Variants in LRRC31 observed in about 807,000 individuals in gnomAD.
LRRC31 encodes the protein leucine-rich repeat-containing protein 31.
LRRC31 carries 35 observed loss-of-function variants against 46.7 expected under a neutral mutation model. The observed-to-expected ratio is 0.75, with a 90% CI of 0.57 to 0.99. The LOEUF is 0.99. LRRC31 is among the 50% of genes least tolerant of loss of function. The pLI, the probability that LRRC31 is intolerant of heterozygous loss-of-function variation, is 0.00. For missense variants in LRRC31, 613 were observed against 626.1 expected (o/e 0.98, Z 0.22); for synonymous variants, 236 against 235.1 (o/e 1.00, Z -0.03).
rs1781443097 is a variant in LRRC31, at chr3:169,869,828, T to C, written c.-21A>G. Reference sequence around the variant, plus strand: ...CTCATGGTGAAGTTGATGGGGGTAGTTCCCAATAAGACATCTTCCTGTTGC... The same window carrying C: ...CTCATGGTGAAGTTGATGGGGGTAGCTCCCAATAAGACATCTTCCTGTTGC... On this transcript the variant is annotated 5_prime_UTR_variant, in exon 1 of 9. Transcript: ENST00000316428. 6.3e-7 allele frequency: 1 copy of C among 1,592,434 alleles called. No individual in the cohort carries two copies. The highest frequency in any genetic ancestry group is 8.5e-7 in the Non-Finnish European group (1 of 1,170,438).
chr3:169,844,627 A>C (rs1298766288), intron 8 of LRRC31, among the ~76,000 whole-genome samples: 4 of 152,188 alleles, frequency 2.6e-5, no homozygotes, highest in Admixed American at 2.0e-4. Flanking sequence ...AGATACACAG[A>C]GATAAAGAAA....
intron 3 of LRRC31, among the ~76,000 whole-genome samples, chr3:169,857,153 G>A (rs984089753): frequency 2.0e-5 from 3 of 151,516 alleles, no homozygotes; most frequent in African/African-American, 7.3e-5. Context: ...TATTGGTAGG[G>A]TGGTTTTAGG....
chr3:169,852,115 C>G (rs768048905), intron 6 of LRRC31, among the ~76,000 whole-genome samples: 4 of 151,924 alleles, frequency 2.6e-5, no homozygotes, highest in Non-Finnish European at 5.9e-5. Flanking sequence ...TTAGCCCTCT[C>G]GGCAGGGCAC....
intron 3 of LRRC31, 42 bp downstream of exon 3, chr3:169,860,519 C>A: frequency 6.2e-7 from 1 of 1,606,548 alleles, no homozygotes; most frequent in African/African-American, 1.3e-5. Context: ...TGAGCCACGG[C>A]GCCCGGCCGA....
chr3:169,868,643 A>G (rs1781402388), intron 1 of LRRC31, among the ~76,000 whole-genome samples: 1 of 152,230 alleles, frequency 6.6e-6, no homozygotes, highest in Non-Finnish European at 1.5e-5. Flanking sequence ...AGAATCTTAA[A>G]GAAATGATCG....
At position 169,860,570 on chromosome 3, in the gene LRRC31, G is replaced by T; in HGVS notation, c.478C>A (p.Gln160Lys). 1 of 1,614,030 alleles carries T rather than the reference G, an allele frequency of 6.2e-7. No homozygotes were observed. The highest frequency in any genetic ancestry group is 1.1e-5 in the South Asian group (1 of 91,054). The stretch of plus-strand genomic sequence containing the variant: ...AATGCATTCATCATACCCAGTGCTT[G>T]AACATCGTCAGTGGTGAGTCTGCAG... ...GSCRLTTDDV[Q>K]ALGEAFEMIP... The change falls in exon 3 of 9, where the codon CAA becomes AAA. Residue 160 changes from glutamine to lysine, a missense_variant. By Grantham distance (53) the Gln-to-Lys change is moderately conservative. Coordinates refer to ENST00000316428, the MANE Select transcript of LRRC31 (RefSeq NM_024727.4).
In LRRC31 at chr3:169,840,069, A is replaced by G. The variant is rs1388921204; in HGVS notation, c.1572T>C (p.Ile524=). Residue 524 remains isoleucine, a synonymous_variant, in exon 9 of 9, where the codon ATT becomes ATC. Transcript: ENST00000316428. ...QITEIGMKRW[I]LPASQEEELE... Reference sequence around the variant, plus strand: ...GTTCTTCCTCCTGTGAAGCTGGGAGAATCCATCTTTTCATTCCTATCTCAG... The same window carrying G: ...GTTCTTCCTCCTGTGAAGCTGGGAGGATCCATCTTTTCATTCCTATCTCAG... 6.2e-7 allele frequency: 1 copy of G among 1,614,020 alleles called. No individual in the cohort carries two copies. Among genetic ancestry groups the G allele is most frequent in the East Asian group, 2.2e-5 (1 of 44,882 alleles).
chr3:169,844,953 A>G (rs997777152), intron 8 of LRRC31, among the ~76,000 whole-genome samples: 2 of 151,504 alleles, frequency 1.3e-5, no homozygotes, highest in African/African-American at 4.9e-5. Flanking sequence ...AAAAAACAAA[A>G]CAAAACCTGT....
chr3:169,857,045 G>A (rs76602717), intron 3 of LRRC31, among the ~76,000 whole-genome samples, 173 bp from the exon 4 acceptor site: 10,338 of 151,948 alleles, frequency 0.068, 388 homozygotes, highest in Admixed American at 0.099. Context: ...ATAGCAGGGC[G>A]TGCTTCTCTA....
intron 8 of LRRC31, 79 bp from the exon 9 acceptor site, chr3:169,840,392 T>C: frequency 7.3e-7 from 1 of 1,375,958 alleles, no homozygotes; most frequent in East Asian, 2.4e-5. Flanking sequence ...CATAACACTA[T>C]CTCCAGGAAT....
At chr3:169,847,215 C>T (rs1372704706) in intron 8 of LRRC31, among the ~76,000 whole-genome samples, 5 of 152,154 alleles carry the variant, frequency 3.3e-5, no homozygotes, top group South Asian at 4.1e-4. Context: ...GAAGGAGTTT[C>T]GCCCCTGCTG....
At chr3:169,861,850 G>C (rs1175750021) in intron 1 of LRRC31, 37 bp from the exon 2 acceptor site, 1 of 1,600,462 alleles carries the variant, frequency 6.2e-7, no homozygotes, top group Non-Finnish European at 8.5e-7. Context: ...TGCTGTTAAT[G>C]ATGGATGTAT....
intron 6 of LRRC31, chr3:169,853,523 A>G (rs1780852361): frequency 1.0e-6 from 1 of 985,816 alleles, no homozygotes; most frequent in East Asian, 1.1e-4. Flanking sequence ...GAGATGTGGT[A>G]TTCATGTTAT....
chr3:169,858,713 G>A (rs1055007390), intron 3 of LRRC31, among the ~76,000 whole-genome samples: 65 of 152,236 alleles, frequency 4.3e-4, no homozygotes, highest in African/African-American at 1.4e-3. Flanking sequence ...AGTTAAAAGT[G>A]GCACTAGAGG....
chr3:169,868,614 T>C (rs1255479232), intron 1 of LRRC31, among the ~76,000 whole-genome samples: 1 of 152,188 alleles, frequency 6.6e-6, no homozygotes, highest in Non-Finnish European at 1.5e-5. Flanking sequence ...TGCATGCATA[T>C]GAAAAGAAAA....
chr3:169,846,104 A>G (rs531159631), intron 8 of LRRC31, among the ~76,000 whole-genome samples: 7 of 152,322 alleles, frequency 4.6e-5, no homozygotes, highest in Non-Finnish European at 1.0e-4. Context: ...ACACACATAA[A>G]AAGATGTTTG....
chr3:169,855,107 A>C (rs1426335609), intron 5 of LRRC31, 127 bp from the exon 6 acceptor site: 9 of 701,552 alleles, frequency 1.3e-5, no homozygotes, highest in Non-Finnish European at 1.9e-5. Flanking sequence ...CTTGGGCAGC[A>C]TAGTGAGATC....
At chr3:169,857,347 C>T (rs5027508) in intron 3 of LRRC31, among the ~76,000 whole-genome samples, 10,862 of 62,066 alleles carry the variant, frequency 0.18, 976 homozygotes, top group East Asian at 0.26. Flanking sequence ...TATATATATA[C>T]ACACACACAC....
chr3:169,845,981 A>G (rs958568386), intron 8 of LRRC31, among the ~76,000 whole-genome samples: 2 of 152,246 alleles, frequency 1.3e-5, no homozygotes, highest in Non-Finnish European at 2.9e-5. Context: ...TGTATTCAGA[A>G]AAATCTAAAA....
Sources: allele counts gnomAD v4.1 joint callset (sites outside exome capture counted in the v4.1 genomes callset), GRCh38; gene constraint gnomAD v4.1.1; transcripts MANE v1.5; gene names NCBI Gene and HGNC (gene_info 2026-07-23, HGNC 2026-07-21).